NOD1: variants seen among roughly 807,000 people sequenced by gnomAD.
The protein encoded by NOD1 is nucleotide-binding oligomerization domain-containing protein 1.
NOD1 carries 70 observed loss-of-function variants against 81.2 expected under a neutral mutation model. That is an observed-to-expected ratio of 0.86 (90% CI 0.71 to 1.05). The LOEUF (loss-of-function observed/expected upper bound fraction) is 1.05, where lower values mean the gene tolerates loss of function less well. Ranked by LOEUF, NOD1 falls within the 50% of genes least tolerant of loss-of-function variation. The probability of loss-of-function intolerance (pLI) is 0.00; values close to 1 mark genes in which losing one functional copy is unlikely to be tolerated. For synonymous variants in NOD1, 508 were observed against 526.9 expected (o/e 0.96, Z 0.49); for missense variants, 1,233 against 1,228.0 (o/e 1.00, Z -0.06).
Position 30,425,461 on chromosome 7 carries a change from G to A in NOD1, c.*177C>T. Reference sequence around the variant, plus strand: ...TCTGCAGAATTGTAGCGGGTACTTAGGGAGTTTGCCGACCAGACCTTCTGC... The same window carrying A: ...TCTGCAGAATTGTAGCGGGTACTTAAGGAGTTTGCCGACCAGACCTTCTGC... On this transcript the variant is annotated 3_prime_UTR_variant, in exon 14 of 14. Transcript: ENST00000222823. The A allele has an allele frequency of 1.6e-6, 1 of 621,054 alleles. No individual in the cohort carries two copies. Among genetic ancestry groups the A allele is most frequent in the Non-Finnish European group, 2.9e-6 (1 of 344,424 alleles). The allele number at this position is 621,054 out of a possible 1,614,324, so 38.5% of individuals were successfully genotyped here.
rs751842914 is a variant in NOD1, at chr7:30,435,988, G to A, written c.2621+10C>T. 1.7e-5 allele frequency: 28 copies of A among 1,606,174 alleles called. No individual in the cohort carries two copies. The East Asian group carries it at 2.0e-4, about 12-fold the overall frequency. ...AACAAACAAACAAATGAAATGACTC[G>A]AGCTATTACCACAGTATTTCTAGAG... is the stretch of plus-strand genomic sequence containing the variant. On this transcript the variant is annotated intron_variant, in intron 11 of 13. Transcript: ENST00000222823.
chr7:30,455,437 C>G, intron 4 of NOD1, 126 bp from the exon 5 acceptor site: 2 of 668,770 alleles, frequency 3.0e-6, no homozygotes, highest in South Asian at 4.0e-5. Flanking sequence ...TGCCATCCCC[C>G]CAGCTGCTGT....
At chr7:30,453,074 G>T in intron 5 of NOD1, 34 bp from the exon 6 acceptor site, 1 of 1,569,628 alleles carries the variant, frequency 6.4e-7, no homozygotes. Flanking sequence ...ACAGCAGCAG[G>T]GTGAGGAGAG....
At chr7:30,459,537 GA>G (rs528308688) in intron 2 of NOD1, among the ~76,000 whole-genome samples, 1 of 151,810 alleles carries the variant, frequency 6.6e-6, no homozygotes, top group African/African-American at 2.4e-5. Flanking sequence ...ATTAGAAACA[GA>G]AAAAAAATAT....
chr7:30,452,021 C>T lies in NOD1; in HGVS notation c.1396G>A (p.Val466Met). ...CTCTTCTCCATGCCCCGGTGGGCCA[C>T]CTGCCCCAGCGAGCACAGAGTGTCC... is the stretch of plus-strand genomic sequence containing the variant. ...GRDTLCSLGQ[V>M]AHRGMEKSLF... Residue 466 changes from valine (V) to methionine (M), a missense_variant, in exon 6 of 14, where the codon GTG becomes ATG. Coordinates refer to ENST00000222823, the MANE Select transcript of NOD1 (RefSeq NM_006092.4). 1.2e-6 allele frequency: 2 copies of T among 1,613,558 alleles called. No homozygotes were observed. Among genetic ancestry groups the T allele is most frequent in the Non-Finnish European group, 1.7e-6 (2 of 1,179,980 alleles).
chr7:30,452,615 C>T lies in NOD1; in HGVS notation c.802G>A (p.Val268Met), dbSNP rs146074604. Residue 268 changes from valine (V) to methionine (M), a missense_variant, in exon 6 of 14, where the codon GTG becomes ATG. Coordinates refer to ENST00000222823, the MANE Select transcript of NOD1 (RefSeq NM_006092.4). ...YCYPERDPEE[V>M]FAFLLRFPHV... is the part of the protein sequence containing the mutation. Reference sequence around the variant, plus strand: ...GGGAAGCGCAGCAGGAAGGCAAACACCTCCTCGGGGTCCCGCTCTGGGTAG... The same window carrying T: ...GGGAAGCGCAGCAGGAAGGCAAACATCTCCTCGGGGTCCCGCTCTGGGTAG... 1.2e-6 allele frequency: 2 copies of T among 1,613,746 alleles called. No individual in the cohort carries two copies. The highest frequency in any genetic ancestry group is 1.7e-5 in the Admixed American group (1 of 60,038).
intron 9 of NOD1, 113 bp downstream of exon 9, chr7:30,446,028 G>C: frequency 1.2e-6 from 1 of 821,178 alleles, no homozygotes; most frequent in South Asian, 1.5e-5. Context: ...ATCTCTCCCC[G>C]ACAGCGAGCC....
intron 9 of NOD1, among the ~76,000 whole-genome samples, chr7:30,438,679 T>C (rs986123069): frequency 1.3e-5 from 2 of 152,236 alleles, no homozygotes; most frequent in African/African-American, 2.4e-5. Flanking sequence ...TGCTTACATA[T>C]ATGTATTTAC....
intron 1 of NOD1, among the ~76,000 whole-genome samples, chr7:30,477,874 CTAGCT>C (rs61245928): frequency 0.26 from 39,472 of 151,706 alleles, 6,002 homozygotes; most frequent in African/African-American, 0.43. Context: ...CATGGGTTTA[CTAGCT>C]TAGCTTCCCC....
rs1291549396 is a variant in NOD1, at chr7:30,452,374, A to G, written c.1043T>C (p.Leu348Pro). Residue 348 changes from leucine (L) to proline (P), a missense_variant, in exon 6 of 14, where the codon CTT becomes CCT. Transcript: ENST00000222823. ...VPRQFLRKKVLLRGFSPSHLR... is the reference protein window; with the variant it reads ...VPRQFLRKKVPLRGFSPSHLR... ...GTGGCTGGGGGAGAAGCCCCGGAGAAGCACCTTCTTCCGCAGGAACTGGCG... is the reference window on the plus strand; with the variant it reads ...GTGGCTGGGGGAGAAGCCCCGGAGAGGCACCTTCTTCCGCAGGAACTGGCG... The G allele has an allele frequency of 1.2e-6, 2 of 1,613,230 alleles. No homozygotes were observed. The highest frequency in any genetic ancestry group is 1.7e-5 in the Admixed American group (1 of 60,006).
In NOD1 at chr7:30,459,173, T is replaced by C. The variant is rs1786738591; in HGVS notation, c.-143A>G. On this transcript the variant is annotated 5_prime_UTR_variant, in exon 3 of 14. The change abolishes an upstream ATG in the 5' untranslated region. Coordinates refer to ENST00000222823, the MANE Select transcript of NOD1 (RefSeq NM_006092.4). ...ATACCTTTTTAAGTTTCTGGCATCA[T>C]TCTTTGAAGTTAGAATATTTTAAAA... is the stretch of plus-strand genomic sequence containing the variant. The C allele has an allele frequency of 6.5e-6, 1 of 152,686 alleles. No homozygotes were observed. The highest frequency in any genetic ancestry group is 1.5e-5 in the Non-Finnish European group (1 of 68,050). The allele number at this position is 152,686 out of a possible 1,614,324, so 9.5% of individuals were successfully genotyped here.
Position 30,452,017 on chromosome 7 carries a change from G to A in NOD1, c.1400C>T (p.Ala467Val). 6.2e-7 allele frequency: 1 copy of A among 1,613,478 alleles called. No homozygotes were observed. Among genetic ancestry groups the A allele is most frequent in the Non-Finnish European group, 8.5e-7 (1 of 1,179,968 alleles). Reference sequence around the variant, plus strand: ...GAGGCTCTTCTCCATGCCCCGGTGGGCCACCTGCCCCAGCGAGCACAGAGT... The same window carrying A: ...GAGGCTCTTCTCCATGCCCCGGTGGACCACCTGCCCCAGCGAGCACAGAGT... ...RDTLCSLGQV[A>V]HRGMEKSLFV... Residue 467 changes from alanine (A) to valine (V), a missense_variant, in exon 6 of 14, where the codon GCC (alanine) becomes GTC (valine). Physicochemically the swap from Ala to Val is moderately conservative, Grantham distance 64. Transcript: ENST00000222823.
rs79934170 is a variant in NOD1, at chr7:30,471,808, G to A, written c.-352+6798C>T. On this transcript the variant is annotated intron_variant, in intron 1 of 13. Coordinates refer to ENST00000222823, the MANE Select transcript of NOD1 (RefSeq NM_006092.4). ...TGTTTCTAAAGAGCCAGGAAGGACT[G>A]GACTCCACCCTAGTCCATCCACTGA... 1.6e-3 allele frequency among the ~76,000 whole-genome samples: 241 copies of A among 152,292 alleles called. 3 individuals are homozygous for A. The East Asian group carries it at 0.032, about 20-fold the overall frequency.
intron 4 of NOD1, among the ~76,000 whole-genome samples, chr7:30,455,817 G>A (rs926482486): frequency 1.3e-5 from 2 of 152,096 alleles, no homozygotes; most frequent in African/African-American, 4.8e-5. Context: ...GGCCAGGCTG[G>A]TCTCAAACTC....
intron 2 of NOD1, 66 bp downstream of exon 2, chr7:30,459,835 A>G (rs2975632): frequency 0.25 from 38,600 of 152,568 alleles, 5,178 homozygotes; most frequent in African/African-American, 0.34. Context: ...GGGGTGTTGC[A>G]CAGCTTCCTT....
At position 30,455,428 on chromosome 7, in the gene NOD1, G is replaced by A. The variant is rs1466382798; in HGVS notation, c.202-117C>T. 5 of 708,440 alleles carry A rather than the reference G, an allele frequency of 7.1e-6. No individual in the cohort carries two copies. In the African/African-American group the frequency reaches 7.1e-5, roughly 10 times the overall value. 43.9% of individuals were successfully genotyped at this position (708,440 alleles called of 1,614,324 possible). On this transcript the variant is annotated intron_variant, in intron 4 of 13. Transcript: ENST00000222823. ...AGTTCTTAGTACAGCCGGTAGCTAT[G>A]CCATCCCCCCAGCTGCTGTGACAGT...
intron 11 of NOD1, among the ~76,000 whole-genome samples, chr7:30,433,773 A>C (rs1304578618): frequency 6.6e-6 from 1 of 152,188 alleles, no homozygotes; most frequent in African/African-American, 2.4e-5. Flanking sequence ...AGTGGACGAA[A>C]GAATCATTAG....
At position 30,478,348 on chromosome 7, in the gene NOD1, T is replaced by G. The variant is rs1788999902; in HGVS notation, c.-352+258A>C. 6.6e-6 allele frequency among the ~76,000 whole-genome samples: 1 copy of G among 152,220 alleles called. No homozygotes were observed. Among genetic ancestry groups the G allele is most frequent in the Non-Finnish European group, 1.5e-5 (1 of 68,032 alleles). ...AAAAGCTCCCCAGGTGGTTCTAAGCTGCTGGCACGATTGAGAACCCCTGCG... is the reference window on the plus strand; with the variant it reads ...AAAAGCTCCCCAGGTGGTTCTAAGCGGCTGGCACGATTGAGAACCCCTGCG... On this transcript the variant is annotated intron_variant, in intron 1 of 13. Coordinates refer to ENST00000222823, the MANE Select transcript of NOD1 (RefSeq NM_006092.4). The surrounding 1 kb of genome is among the most constrained non-coding windows in gnomAD (Gnocchi z 4.1).
intron 1 of NOD1, among the ~76,000 whole-genome samples, chr7:30,471,875 G>A (rs969565237): frequency 1.3e-5 from 2 of 152,158 alleles, no homozygotes; most frequent in African/African-American, 4.8e-5. Flanking sequence ...AGGCCCATAT[G>A]CATTTACACT....
Sources: allele counts gnomAD v4.1 joint callset (sites outside exome capture counted in the v4.1 genomes callset), GRCh38; gene constraint gnomAD v4.1.1; non-coding constraint Gnocchi (gnomAD v3.1); transcripts MANE v1.5; gene names NCBI Gene and HGNC (gene_info 2026-07-23, HGNC 2026-07-21).